The following HECW1 variants were observed in gnomAD, a reference collection of about 807,000 sequenced individuals.
The protein encoded by HECW1 is E3 ubiquitin-protein ligase HECW1.
Under a neutral mutation model 182.3 loss-of-function variants are expected in HECW1, and 61 were observed. The ratio of observed to expected loss-of-function variants is 0.33; its 90% confidence interval spans 0.27 to 0.41. The LOEUF (loss-of-function observed/expected upper bound fraction) is 0.41, where lower values mean the gene tolerates loss of function less well. HECW1 is among the 10% of genes least tolerant of loss of function. The pLI is 1.00. For missense variants in HECW1, 1,739 were observed against 2,108.9 expected, an observed-to-expected ratio of 0.82 and a Z score of 3.44; for synonymous variants, 859 against 832.6, an observed-to-expected ratio of 1.03 and a Z score of -0.55.
chr7:43,434,274 A>G (rs2076641444), intron 8 of HECW1, among the ~76,000 whole-genome samples: 1 of 152,264 alleles, frequency 6.6e-6, no homozygotes, highest in Non-Finnish European at 1.5e-5. Flanking sequence ...TTCAATAACC[A>G]GAGAGTCAAA....
At chr7:43,239,646 A>G (rs1352829158) in intron 2 of HECW1, among the ~76,000 whole-genome samples, 2 of 152,260 alleles carry the variant, frequency 1.3e-5, no homozygotes, top group African/African-American at 4.8e-5. Flanking sequence ...AGGACAACTT[A>G]AAATAATTGA....
At chr7:43,499,936 C>A (rs2079272288) in intron 19 of HECW1, among the ~76,000 whole-genome samples, 2 of 152,118 alleles carry the variant, frequency 1.3e-5, no homozygotes, top group Non-Finnish European at 2.9e-5. Context: ...GATGCCTGTG[C>A]CTTGACTGAC....
At chr7:43,153,781 T>A (rs911836546) in intron 2 of HECW1, among the ~76,000 whole-genome samples, 1 of 152,224 alleles carries the variant, frequency 6.6e-6, no homozygotes, top group Admixed American at 6.5e-5. Context: ...ATGGAGACAG[T>A]AACCCCACTT....
chr7:43,530,270 T>C (rs2080929459), intron 24 of HECW1, among the ~76,000 whole-genome samples: 1 of 151,988 alleles, frequency 6.6e-6, no homozygotes, highest in South Asian at 2.1e-4. Flanking sequence ...TGCTTTACTG[T>C]AATCGACACT....
chr7:43,316,287 A>C (rs1544419), intron 4 of HECW1, among the ~76,000 whole-genome samples: 80,950 of 152,070 alleles, frequency 0.53, 24,714 homozygotes, highest in African/African-American at 0.86. Context: ...TGTACATGTT[A>C]TGTACAAAAT....
chr7:43,543,746 T>G (rs2152954819), intron 26 of HECW1, among the ~76,000 whole-genome samples: 1 of 135,522 alleles, frequency 7.4e-6, no homozygotes, highest in East Asian at 2.2e-4. Context: ...GTCATTGCAC[T>G]CCAGCCTGGG....
chr7:43,415,648 C>T (rs1363167993), intron 8 of HECW1, among the ~76,000 whole-genome samples: 1 of 147,954 alleles, frequency 6.8e-6, no homozygotes, highest in Admixed American at 6.8e-5. Flanking sequence ...CCATTCTCCC[C>T]ATCACTTTCA....
intron 5 of HECW1, among the ~76,000 whole-genome samples, chr7:43,344,597 G>C (rs73097651): frequency 1.3e-5 from 2 of 151,244 alleles, no homozygotes; most frequent in South Asian, 2.1e-4. Flanking sequence ...GATGTCTTTC[G>C]ATGTAGCACC....
chr7:43,388,184 G>A (rs532588488), intron 6 of HECW1, among the ~76,000 whole-genome samples: 1 of 152,110 alleles, frequency 6.6e-6, no homozygotes. Flanking sequence ...GACCACCTCC[G>A]TAAATGCTCC....
chr7:43,146,040 C>T (rs941818164), intron 2 of HECW1, among the ~76,000 whole-genome samples: 1 of 152,190 alleles, frequency 6.6e-6, no homozygotes, highest in Non-Finnish European at 1.5e-5. Flanking sequence ...TCCACTACCC[C>T]GTGTCTCCTC....
rs536111155 is a variant in HECW1, at chr7:43,157,057, G to A, written c.-32+42666G>A. The stretch of plus-strand genomic sequence containing the variant: ...ATGTTCATTCGCAAACCTGGGCTTT[G>A]TGCTAGGCATAGTGGAAGTCAATAC... On this transcript the variant is annotated intron_variant, in intron 2 of 29. Transcript: ENST00000395891. 3.2e-4 allele frequency among the ~76,000 whole-genome samples: 49 copies of A among 152,326 alleles called. No individual in the cohort carries two copies. The South Asian group carries it at 9.1e-3, about 28-fold the overall frequency.
chr7:43,456,326 C>A lies in HECW1; in HGVS notation c.2530C>A (p.Arg844=), dbSNP rs1365555055. Residue 844 remains arginine, a synonymous_variant, in exon 13 of 30, where the codon CGG becomes AGG. Coordinates refer to ENST00000395891, the MANE Select transcript of HECW1 (RefSeq NM_015052.5). ...NWEARIDSHG[R]VFYVDHVNRT... ...GGAAGCTCGAATTGACAGCCACGGG[C>A]GGGTCTTTTATGTGGACCACGTGAA... 1 of 1,613,212 alleles carries A rather than the reference C, an allele frequency of 6.2e-7. No homozygotes were observed. The highest frequency in any genetic ancestry group is 8.5e-7 in the Non-Finnish European group (1 of 1,179,518).
chr7:43,174,070 G>C (rs1359045597), intron 2 of HECW1, among the ~76,000 whole-genome samples: 1 of 152,026 alleles, frequency 6.6e-6, no homozygotes. Context: ...TGAACTCCTG[G>C]CCTCAAGCAG....
chr7:43,288,022 A>G (rs1489339967), intron 3 of HECW1, among the ~76,000 whole-genome samples: 1 of 152,226 alleles, frequency 6.6e-6, no homozygotes, highest in Non-Finnish European at 1.5e-5. Flanking sequence ...ATCCATGTAG[A>G]CAGAGATAGT....
chr7:43,540,861 T>C (rs1444460539), intron 24 of HECW1, among the ~76,000 whole-genome samples: 1 of 152,194 alleles, frequency 6.6e-6, no homozygotes, highest in African/African-American at 2.4e-5. Flanking sequence ...TGAATTCCCC[T>C]TCCCAGTGCT....
chr7:43,383,272 A>G (rs886518885), intron 6 of HECW1, among the ~76,000 whole-genome samples: 2 of 152,204 alleles, frequency 1.3e-5, no homozygotes, highest in African/African-American at 4.8e-5. Flanking sequence ...TAGTAGCATG[A>G]TTTATGATCC....
chr7:43,265,267 A>G (rs1299113852), intron 3 of HECW1, among the ~76,000 whole-genome samples: 1 of 152,106 alleles, frequency 6.6e-6, no homozygotes, highest in Non-Finnish European at 1.5e-5. Flanking sequence ...GGGGTTCTGC[A>G]CAGCCATTTA....
At chr7:43,264,860 A>C (rs1801602277) in intron 3 of HECW1, among the ~76,000 whole-genome samples, 1 of 151,694 alleles carries the variant, frequency 6.6e-6, no homozygotes, top group South Asian at 2.1e-4. Context: ...AAAAAAAAAA[A>C]AAATTGCTAT....
chr7:43,469,727 A>G (rs920500438), intron 16 of HECW1, among the ~76,000 whole-genome samples: 2 of 152,218 alleles, frequency 1.3e-5, no homozygotes, highest in African/African-American at 4.8e-5. Context: ...CCTAATCTTC[A>G]TCAGCCATCT....
Sources: gnomAD v4.1 joint callset for allele counts (sites outside exome capture counted in the v4.1 genomes callset) on GRCh38, gnomAD v4.1.1 for gene constraint, MANE v1.5 for transcripts, NCBI Gene and HGNC (gene_info 2026-07-23, HGNC 2026-07-21) for gene names.